PIK3AP1: variants seen among roughly 807,000 people sequenced by gnomAD.
PIK3AP1 encodes the protein phosphoinositide-3-kinase adaptor protein 1.
PIK3AP1 carries 21 observed loss-of-function variants against 88.1 expected under a neutral mutation model. The ratio of observed to expected loss-of-function variants is 0.24; its 90% CI spans 0.17 to 0.34. PIK3AP1 has a LOEUF of 0.34. Ranked by LOEUF, PIK3AP1 falls within the 10% of genes least tolerant of loss-of-function variation. The probability of loss-of-function intolerance (pLI) is 1.00; values close to 1 mark genes in which losing one functional copy is unlikely to be tolerated. For missense variants in PIK3AP1, 828 were observed against 1,035.7 expected (o/e 0.80, Z 2.75); for synonymous variants, 398 against 400.0 (o/e 1.00, Z 0.06).
chr10:96,612,950 G>GTGTGTGTATA (rs1481031378), intron 13 of PIK3AP1, among the ~76,000 whole-genome samples: 1 of 59,680 alleles, frequency 1.7e-5, no homozygotes, highest in African/African-American at 7.8e-5. Flanking sequence ...GTGTGTGTGT[G>GTGTGTGTATA]TATATATATA....
chr10:96,631,683 G>A (rs915249116), intron 8 of PIK3AP1, among the ~76,000 whole-genome samples: 6 of 152,144 alleles, frequency 3.9e-5, no homozygotes, highest in African/African-American at 1.4e-4. Context: ...GAGGTCAGGA[G>A]TTTTGAGACC....
intron 8 of PIK3AP1, among the ~76,000 whole-genome samples, chr10:96,631,139 C>T (rs547008301): frequency 6.6e-6 from 1 of 152,300 alleles, no homozygotes; most frequent in South Asian, 2.1e-4. Flanking sequence ...CCCTGTGGTC[C>T]AGCTTTATAC....
chr10:96,642,553 T>C (rs945209070), intron 8 of PIK3AP1, among the ~76,000 whole-genome samples: 1 of 151,356 alleles, frequency 6.6e-6, no homozygotes, highest in African/African-American at 2.4e-5. Context: ...ATGTGGTGGG[T>C]TTCCTTTTCC....
intron 2 of PIK3AP1, among the ~76,000 whole-genome samples, chr10:96,663,734 A>T (rs1187619541): frequency 1.3e-5 from 2 of 151,734 alleles, no homozygotes. Context: ...ATATACGAAG[A>T]TGTCACGAAA....
intron 2 of PIK3AP1, among the ~76,000 whole-genome samples, chr10:96,694,416 G>T (rs1161847663): frequency 3.3e-5 from 5 of 152,004 alleles, no homozygotes; most frequent in Non-Finnish European, 7.4e-5. Context: ...ACCCCTCTGG[G>T]TCCTACTTTG....
chr10:96,674,314 T>C (rs756050605), intron 2 of PIK3AP1, among the ~76,000 whole-genome samples: 1 of 152,188 alleles, frequency 6.6e-6, no homozygotes, highest in Non-Finnish European at 1.5e-5. Context: ...AGACCTGGAT[T>C]CAAGTCCCAT....
At chr10:96,707,536 G>A (rs1589549595) in intron 2 of PIK3AP1, among the ~76,000 whole-genome samples, 1 of 151,826 alleles carries the variant, frequency 6.6e-6, no homozygotes. Flanking sequence ...CTCATGATCC[G>A]CCCGCCTCGG....
chr10:96,594,985 A>G lies in PIK3AP1; in HGVS notation c.*592T>C, dbSNP rs904993438. 6.5e-6 allele frequency: 1 copy of G among 152,896 alleles called. No individual in the cohort carries two copies. Among genetic ancestry groups the G allele is most frequent in the Admixed American group, 6.5e-5 (1 of 15,296 alleles). The allele number at this position is 152,896 out of a possible 1,614,324, so 9.5% of individuals were successfully genotyped here. The stretch of plus-strand genomic sequence containing the variant: ...TAACCAACTGAATAGTCTTGGTTCC[A>G]GACTTCTGTGGAACCTCAGATTTGC... On this transcript the variant is annotated 3_prime_UTR_variant, in exon 17 of 17. Transcript: ENST00000339364. The surrounding 1 kb of genome is among the most constrained non-coding windows in gnomAD (Gnocchi z 4.6).
intron 2 of PIK3AP1, among the ~76,000 whole-genome samples, chr10:96,679,093 T>C (rs1265426526): frequency 1.3e-5 from 2 of 152,210 alleles, no homozygotes; most frequent in Non-Finnish European, 2.9e-5. Flanking sequence ...TCTTAGATGA[T>C]CAGAATTTGA....
At chr10:96,691,680 G>A (rs981194571) in intron 2 of PIK3AP1, among the ~76,000 whole-genome samples, 4 of 152,168 alleles carry the variant, frequency 2.6e-5, no homozygotes, top group East Asian at 1.9e-4. Context: ...AATTACAGAC[G>A]TGCCAGGATA....
chr10:96,690,811 G>A (rs563275003), intron 2 of PIK3AP1, among the ~76,000 whole-genome samples: 10 of 152,284 alleles, frequency 6.6e-5, no homozygotes, highest in African/African-American at 2.4e-4. Flanking sequence ...CTAGAGTAAG[G>A]CACCTGATCA....
At chr10:96,606,168 C>T (rs939518007) in intron 14 of PIK3AP1, among the ~76,000 whole-genome samples, 2 of 152,074 alleles carry the variant, frequency 1.3e-5, no homozygotes, top group Non-Finnish European at 1.5e-5. Flanking sequence ...AAGGACCAGG[C>T]TGTCTTTTTC....
intron 2 of PIK3AP1, among the ~76,000 whole-genome samples, chr10:96,693,211 A>G (rs1333051350): frequency 6.6e-6 from 1 of 152,208 alleles, no homozygotes; most frequent in African/African-American, 2.4e-5. Flanking sequence ...TCGTTCAACA[A>G]TTTATTGAGG....
intron 2 of PIK3AP1, among the ~76,000 whole-genome samples, chr10:96,693,687 C>T (rs1425403660): frequency 6.6e-6 from 1 of 152,212 alleles, no homozygotes; most frequent in Non-Finnish European, 1.5e-5. Context: ...TCTTAAAATA[C>T]ATATCCCTTT....
intron 13 of PIK3AP1, among the ~76,000 whole-genome samples, chr10:96,612,938 T>TTGTGTGTG (rs60662845): frequency 1.3e-3 from 50 of 37,428 alleles, no homozygotes; most frequent in African/African-American, 4.0e-3. Flanking sequence ...TGCCACTGAA[T>TTGTGTGTG]TGTGTGTGTG....
At chr10:96,712,700 T>C (rs1181391312) in intron 1 of PIK3AP1, among the ~76,000 whole-genome samples, 3 of 152,378 alleles carry the variant, frequency 2.0e-5, no homozygotes, top group Non-Finnish European at 4.4e-5. Context: ...CTTCTAAGTG[T>C]CAAGTGTTAT....
intron 7 of PIK3AP1, 63 bp from the exon 8 acceptor site, chr10:96,645,725 C>A: frequency 7.0e-7 from 1 of 1,420,344 alleles, no homozygotes. Context: ...TGGAACTTGG[C>A]CCCCGAAGGC....
chr10:96,709,572 G>A lies in PIK3AP1; in HGVS notation c.425C>T (p.Ser142Phe). 6.2e-7 allele frequency: 1 copy of A among 1,602,760 alleles called. No individual in the cohort carries two copies. Among genetic ancestry groups the A allele is most frequent in the Non-Finnish European group, 8.5e-7 (1 of 1,172,540 alleles). The change falls in exon 2 of 17, where the codon TCC becomes TTC. Residue 142 changes from serine (S) to phenylalanine (F), a missense_variant. By Grantham distance (155) the Ser-to-Phe change is radical (BLOSUM62 -2). This residue lies in a region of PIK3AP1 where 610 missense variants were observed against 760.1 expected (regional missense o/e 0.80). Transcript: ENST00000339364. ...TCTTTAGAAGAAATCCTTACCTTCG[G>A]AAATGGCTTTTTTCACAGCTGCCAC... ...TYVAAVKKAI[S>F]EDSGCDSVTD...
chr10:96,660,793 C>A (rs1238544505), intron 2 of PIK3AP1, among the ~76,000 whole-genome samples: 5 of 152,168 alleles, frequency 3.3e-5, no homozygotes. Flanking sequence ...AAGTGCGGTA[C>A]ACCCAGACAA....
Sources: allele counts gnomAD v4.1 joint callset (sites outside exome capture counted in the v4.1 genomes callset), GRCh38; gene constraint gnomAD v4.1.1; regional missense constraint gnomAD v4.1.1; non-coding constraint Gnocchi (gnomAD v3.1); transcripts MANE v1.5; gene names NCBI Gene and HGNC (gene_info 2026-07-23, HGNC 2026-07-21).